Variants in KCNJ10 observed in about 807,000 individuals in gnomAD.
KCNJ10 encodes potassium inwardly rectifying channel subfamily J member 10.
Under a neutral mutation model 22.2 loss-of-function variants are expected in KCNJ10, and 9 were observed. That is an observed-to-expected ratio of 0.40 (90% CI 0.24 to 0.71). KCNJ10 has a LOEUF of 0.71. Among genes scored for constraint, KCNJ10 ranks in the 30% least tolerant of loss-of-function variants. The pLI is 0.35. For missense variants in KCNJ10, 337 were observed against 482.7 expected, an observed-to-expected ratio of 0.70 and a Z score of 2.83; for synonymous variants, 184 against 187.3, an observed-to-expected ratio of 0.98 and a Z score of 0.15.
chr1:160,042,417 A>G lies in KCNJ10; in HGVS notation c.116T>C (p.Val39Ala). 1 of 1,613,856 alleles carries G rather than the reference A, an allele frequency of 6.2e-7. No homozygotes were observed. The highest frequency in any genetic ancestry group is 8.5e-7 in the Non-Finnish European group (1 of 1,179,724). The part of the protein sequence containing the change: ...RVLTKDGRSN[V>A]RMEHIADKRF... ...CTTGTCGGCAATGTGCTCCATTCTCACGTTGCTGCGACCATCTTTTGTCAG... is the reference window on the plus strand; with the variant it reads ...CTTGTCGGCAATGTGCTCCATTCTCGCGTTGCTGCGACCATCTTTTGTCAG... Residue 39 changes from valine (V) to alanine (A), a missense_variant, in exon 2 of 2, where the codon GTG (valine) becomes GCG (alanine). Transcript: ENST00000644903.
At chr1:160,043,435 C>T (rs1332519486) in intron 1 of KCNJ10, among the ~76,000 whole-genome samples, 1 of 152,208 alleles carries the variant, frequency 6.6e-6, no homozygotes, top group Non-Finnish European at 1.5e-5. Flanking sequence ...CAAGATGCTC[C>T]CTAAGCACCC....
intron 1 of KCNJ10, among the ~76,000 whole-genome samples, chr1:160,059,252 G>A (rs1649125174): frequency 6.6e-6 from 1 of 152,196 alleles, no homozygotes; most frequent in African/African-American, 2.4e-5. Context: ...GTGTCACAGA[G>A]TATTCATGCT....
intron 1 of KCNJ10, among the ~76,000 whole-genome samples, chr1:160,063,789 TCTC>T (rs1259516462): frequency 2.0e-5 from 3 of 152,198 alleles, no homozygotes; most frequent in Non-Finnish European, 4.4e-5. Context: ...ATTGGATGGA[TCTC>T]CTCTGCAGCT....
intron 1 of KCNJ10, among the ~76,000 whole-genome samples, chr1:160,055,720 G>A (rs1022568851): frequency 2.6e-5 from 4 of 152,092 alleles, no homozygotes; most frequent in South Asian, 2.1e-4. Context: ...CCATGTTCTC[G>A]GGGTTCTTTC....
intron 1 of KCNJ10, among the ~76,000 whole-genome samples, chr1:160,068,880 C>A (rs978641735): frequency 2.0e-5 from 3 of 152,182 alleles, no homozygotes; most frequent in African/African-American, 7.2e-5. Context: ...TCCTCAGCAC[C>A]CTTAAACAAG....
Position 160,050,816 on chromosome 1 carries a change from G to C in KCNJ10, c.1-8284C>G, listed in dbSNP as rs979554649. Among the ~76,000 whole-genome samples the C allele has an allele frequency of 4.1e-4, 63 of 152,254 alleles. 1 individual carries two copies. Among genetic ancestry groups the C allele is most frequent in the African/African-American group, 1.4e-3 (60 of 41,570 alleles). ...ACCCCTCAACACCCTCCTGCTTTGT[G>C]GCCAGCCCCTGTGGATTCCTTCATG... is the stretch of plus-strand genomic sequence containing the variant. On this transcript the variant is annotated intron_variant, in intron 1 of 1. Transcript: ENST00000644903.
rs754483304 is a variant in KCNJ10 at position 160,042,445 on chromosome 1, C to T, written c.88G>A (p.Val30Ile). ...LMGPGIRRRR[V>I]LTKDGRSNVR... ...TTGCTGCGACCATCTTTTGTCAGGA[C>T]TCTCCGCCGTCGTATCCCTGGGCCC... The change falls in exon 2 of 2, where the codon GTC (valine) becomes ATC (isoleucine). Residue 30 changes from valine to isoleucine, a missense_variant. Val to Ile is a conservative substitution (Grantham distance 29). Around this residue, in one of 3 missense-constraint regions of KCNJ10, gnomAD observed 107 missense variants for 135.2 expected, o/e 0.79. Transcript: ENST00000644903. The T allele has an allele frequency of 1.9e-6, 3 of 1,614,218 alleles. No homozygotes were observed. In the South Asian group the frequency reaches 3.3e-5, roughly 18 times the overall value.
chr1:160,049,695 A>T (rs868030916), intron 1 of KCNJ10, among the ~76,000 whole-genome samples: 2 of 120,540 alleles, frequency 1.7e-5, no homozygotes, highest in African/African-American at 3.1e-5. Context: ...ATATATATAT[A>T]TATATATATA....
chr1:160,062,895 T>A (rs1649236179), intron 1 of KCNJ10, among the ~76,000 whole-genome samples: 1 of 152,260 alleles, frequency 6.6e-6, no homozygotes, highest in East Asian at 1.9e-4. Context: ...GATCTCCACC[T>A]GCTCTGGTTC....
At chr1:160,048,230 C>T (rs1648793710) in intron 1 of KCNJ10, among the ~76,000 whole-genome samples, 1 of 152,238 alleles carries the variant, frequency 6.6e-6, no homozygotes, top group African/African-American at 2.4e-5. Flanking sequence ...GGGCCAAGGC[C>T]TCACAGGAGA....
chr1:160,058,439 ATC>A (rs1161867213), intron 1 of KCNJ10, among the ~76,000 whole-genome samples: 3 of 152,196 alleles, frequency 2.0e-5, no homozygotes. Context: ...TGGAAGGCAC[ATC>A]TCTCTCTAGT....
At chr1:160,066,801 C>T (rs565907732) in intron 1 of KCNJ10, among the ~76,000 whole-genome samples, 7 of 152,180 alleles carry the variant, frequency 4.6e-5, no homozygotes, top group Non-Finnish European at 5.9e-5. Context: ...TCACTCCTCT[C>T]GGAAGCTTTA....
rs752204509 is a variant in KCNJ10, at chr1:160,042,537, A to G, written c.1-5T>C. 2.5e-6 allele frequency: 4 copies of G among 1,613,562 alleles called. No individual in the cohort carries two copies. The East Asian group carries it at 8.9e-5, about 36-fold the overall frequency. ...CACCTTGGCAACTGACGTCATCTGG[A>G]GGGAGCAAGACAGCATAATGGAGGT... On this transcript the variant is annotated splice_region_variant and splice_polypyrimidine_tract_variant and intron_variant, in intron 1 of 1. Transcript: ENST00000644903.
At position 160,040,524 on chromosome 1, in the gene KCNJ10, G is replaced by T. The variant is rs1245843199; in HGVS notation, c.*869C>A. ...GACCTTTCCATGGGGCCTGGGTACT[G>T]GACTCTTTTCAAAGGAACATATTGG... On this transcript the variant is annotated 3_prime_UTR_variant, in exon 2 of 2. Transcript: ENST00000644903. 3 of 398,558 alleles carry T rather than the reference G, an allele frequency of 7.5e-6. No homozygotes were observed. Among genetic ancestry groups the T allele is most frequent in the African/African-American group, 6.2e-5 (3 of 48,616 alleles). 24.7% of individuals were successfully genotyped at this position (398,558 alleles called of 1,614,324 possible). A position where few individuals can be genotyped will look rare whatever the true frequency, so the allele number is the denominator to read the frequency against.
rs977097101 is a variant in KCNJ10, at chr1:160,064,527, T to A, written c.-1+5495A>T. Among the ~76,000 whole-genome samples, 3 of 152,320 alleles carry A rather than the reference T, an allele frequency of 2.0e-5. No homozygotes were observed. The East Asian group carries it at 5.8e-4, about 29-fold the overall frequency. On this transcript the variant is annotated intron_variant, in intron 1 of 1. Coordinates refer to ENST00000644903, the MANE Select transcript of KCNJ10 (RefSeq NM_002241.5). Reference sequence around the variant, plus strand: ...CGTCATTTTGTTAACATGCAAAAATTAATAATTATTTCATGTGTCCCAGTG... The same window carrying A: ...CGTCATTTTGTTAACATGCAAAAATAAATAATTATTTCATGTGTCCCAGTG...
intron 1 of KCNJ10, among the ~76,000 whole-genome samples, chr1:160,055,096 T>A (rs1648997128): frequency 6.6e-6 from 1 of 152,236 alleles, no homozygotes; most frequent in South Asian, 2.1e-4. Flanking sequence ...CTCCTTTTAC[T>A]ATTAGGTTGA....
At chr1:160,051,542 T>G (rs183426735) in intron 1 of KCNJ10, among the ~76,000 whole-genome samples, 3 of 152,118 alleles carry the variant, frequency 2.0e-5, no homozygotes, top group Admixed American at 2.0e-4. Flanking sequence ...TACTTCAAAT[T>G]AATACTATAG....
rs1648585431 is a variant in KCNJ10 at position 160,040,969 on chromosome 1, G to A, written c.*424C>T. The A allele has an allele frequency of 6.4e-6, 2 of 314,116 alleles. No individual in the cohort carries two copies. Among genetic ancestry groups the A allele is most frequent in the Non-Finnish European group, 5.9e-6 (1 of 168,176 alleles). 19.5% of individuals were successfully genotyped at this position (314,116 alleles called of 1,614,324 possible). A position where few individuals can be genotyped will look rare whatever the true frequency, so the allele number is the denominator to read the frequency against. On this transcript the variant is annotated 3_prime_UTR_variant, in exon 2 of 2. Coordinates refer to ENST00000644903, the MANE Select transcript of KCNJ10 (RefSeq NM_002241.5). ...CAAAGTGACCATCAGAGAGAGTCTT[G>A]CCTTTGGGAACTTGCTAGATGGAAA... is the stretch of plus-strand genomic sequence containing the variant.
rs1460946638 is a variant in KCNJ10 at position 160,041,990 on chromosome 1, G to A, written c.543C>T (p.Phe181=). 6.3e-7 allele frequency: 1 copy of A among 1,589,966 alleles called. No homozygotes were observed. Among genetic ancestry groups the A allele is most frequent in the East Asian group, 2.2e-5 (1 of 44,674 alleles). The change falls in exon 2 of 2, where the codon TTC becomes TTT. Residue 181 remains phenylalanine, a synonymous_variant. Transcript: ENST00000644903. This position sits in a 1 kb window ranked among gnomAD's most constrained non-coding sequence, Gnocchi z 4.4. ...GGGAGGCCACAACTGCATGCTGGCT[G>A]AAACGAATGGTCTCAGCCCGCTTCT... The part of the protein sequence containing the change: ...RPKKRAETIR[F]SQHAVVASHN...
Sources: allele counts gnomAD v4.1 joint callset (sites outside exome capture counted in the v4.1 genomes callset), GRCh38; gene constraint gnomAD v4.1.1; regional missense constraint gnomAD v4.1.1; non-coding constraint Gnocchi (gnomAD v3.1); transcripts MANE v1.5; gene names NCBI Gene and HGNC (gene_info 2026-07-23, HGNC 2026-07-21).